Variants in IMPDH2 observed in about 807,000 individuals in gnomAD.
IMPDH2 encodes the protein inosine monophosphate dehydrogenase 2.
IMPDH2 carries 33 observed loss-of-function variants against 57.8 expected under a neutral mutation model. The ratio of observed to expected loss-of-function variants is 0.57; its 90% CI spans 0.43 to 0.76. IMPDH2 has a LOEUF of 0.76. Ranked by LOEUF, IMPDH2 falls within the 30% of genes least tolerant of loss-of-function variation. The pLI, the probability that IMPDH2 is intolerant of heterozygous loss-of-function variation, is 0.00. For synonymous variants in IMPDH2, 270 were observed against 241.3 expected (o/e 1.12, Z -1.10); for missense variants, 446 against 659.1 (o/e 0.68, Z 3.54).
Position 49,028,530 on chromosome 3 carries a change from G to A in IMPDH2, c.150C>T (p.Asp50=), listed in dbSNP as rs777926658. Residue 50 remains aspartate (D), a splice_region_variant and synonymous_variant, in exon 3 of 14, where the codon GAC becomes GAT. Transcript: ENST00000326739. ...TTTTCTTGGTCAGAGCAGAAGTCAG[G>A]TCCTGAGGAGACAAACGTCAACCAG... ...GYIDFTADQV[D]LTSALTKKIT... is the part of the protein sequence containing the mutation. 2 of 1,611,450 alleles carry A rather than the reference G, an allele frequency of 1.2e-6. No individual in the cohort carries two copies. The highest frequency in any genetic ancestry group is 4.5e-5 in the East Asian group (2 of 44,872).
rs773280018 is a variant in IMPDH2 at position 49,026,435 on chromosome 3, G to C, written c.911-16C>G. On this transcript the variant is annotated splice_polypyrimidine_tract_variant and intron_variant, in intron 8 of 13. Transcript: ENST00000326739. ...GCAGTGACCACTATGGTGAAGGAAA[G>C]GAAAATGCTCATGTGAAGGTTAAGG... The C allele has an allele frequency of 2.5e-6, 4 of 1,611,904 alleles. No homozygotes were observed. The South Asian group carries it at 3.3e-5, about 13-fold the overall frequency.
chr3:49,028,705 G>C, intron 2 of IMPDH2, 53 bp downstream of exon 2: 1 of 1,488,382 alleles, frequency 6.7e-7, no homozygotes, highest in Non-Finnish European at 9.4e-7. Context: ...CCAGGTGATA[G>C]TAGCACCTTA....
chr3:49,029,234 G>C lies in IMPDH2; in HGVS notation c.98+19C>G. On this transcript the variant is annotated intron_variant, in intron 1 of 13. Transcript: ENST00000326739. ...GTGCCGCCCCTCTCTTCGCCCAGGT[G>C]AGCCCCATAGGCCCGCACTTGTAGG... 3 of 1,571,206 alleles carry C rather than the reference G, an allele frequency of 1.9e-6. No individual in the cohort carries two copies. The highest frequency in any genetic ancestry group is 8.7e-7 in the Non-Finnish European group (1 of 1,153,624).
chr3:49,025,358 G>T, intron 9 of IMPDH2, 89 bp from the exon 10 acceptor site: 7 of 1,414,084 alleles, frequency 5.0e-6, no homozygotes, highest in Non-Finnish European at 7.0e-6. Context: ...AGGAGCTTTT[G>T]GCTACATCTG....
In IMPDH2 at chr3:49,026,579, T is replaced by C; in HGVS notation, c.850A>G (p.Ile284Val). 1 of 1,614,052 alleles carries C rather than the reference T, an allele frequency of 6.2e-7. No individual in the cohort carries two copies. The highest frequency in any genetic ancestry group is 8.5e-7 in the Non-Finnish European group (1 of 1,179,872). ...DSSQGNSIFQINMIKYIKDKY... is the reference protein window; with the variant it reads ...DSSQGNSIFQVNMIKYIKDKY... ...TCTTTGATGTACTTGATCATATTGA[T>C]CTGGAAGATGGAATTTCCCTGGGAA... is the stretch of plus-strand genomic sequence containing the variant. Residue 284 changes from isoleucine (I) to valine (V), a missense_variant, in exon 8 of 14, where the codon ATC becomes GTC. Transcript: ENST00000326739.
chr3:49,028,950 G>C lies in IMPDH2; in HGVS notation c.99-144C>G, dbSNP rs148567569. 1.9e-3 allele frequency: 1,401 copies of C among 733,588 alleles called. 14 individuals are homozygous for C. In the African/African-American group the frequency reaches 0.021, roughly 11 times the overall value. The allele number at this position is 733,588 out of a possible 1,614,324, so 45.4% of individuals were successfully genotyped here. Reference sequence around the variant, plus strand: ...CTGTGTGTCACAGGCACAGCACAAGGTGGAAATGGGTACAGGGGACCTTTT... The same window carrying C: ...CTGTGTGTCACAGGCACAGCACAAGCTGGAAATGGGTACAGGGGACCTTTT... On this transcript the variant is annotated intron_variant, in intron 1 of 13. Transcript: ENST00000326739.
intron 8 of IMPDH2, 39 bp downstream of exon 8, chr3:49,026,480 C>T (rs1223356075): frequency 6.9e-6 from 11 of 1,600,768 alleles, no homozygotes; most frequent in Non-Finnish European, 4.3e-6. Flanking sequence ...AGCTTACCCA[C>T]TCCCACCACA....
chr3:49,028,918 A>G (rs1046365304), intron 1 of IMPDH2, 112 bp from the exon 2 acceptor site: 1 of 871,888 alleles, frequency 1.1e-6, no homozygotes, highest in Middle Eastern at 2.2e-4. Flanking sequence ...AGTGGCACTG[A>G]CAGAGTCTGT....
In IMPDH2 at chr3:49,026,898, G is replaced by T. The variant is rs775675156; in HGVS notation, c.620-12C>A. The T allele has an allele frequency of 3.2e-5, 52 of 1,614,048 alleles. No homozygotes were observed. The South Asian group carries it at 5.5e-4, about 17-fold the overall frequency. ...AATGGGCAACTTTCCTGTGGTCAGG[G>T]CAGGACATGAATCAGGACCCTAGGC... is the stretch of plus-strand genomic sequence containing the variant. On this transcript the variant is annotated splice_polypyrimidine_tract_variant and intron_variant, in intron 6 of 13. Transcript: ENST00000326739.
chr3:49,024,679 G>A lies in IMPDH2; in HGVS notation c.1419C>T (p.Ala473=), dbSNP rs1196904925. ...CTCACCGGACTTGGGTCAAGCTCTT[G>A]GCACCAATGTCCTGGCATGAGTGTT... ...GIQHSCQDIG[A]KSLTQVRAMM... The change falls in exon 12 of 14, where the codon GCC becomes GCT. Residue 473 remains alanine, a synonymous_variant. Transcript: ENST00000326739. 1 of 1,614,232 alleles carries A rather than the reference G, an allele frequency of 6.2e-7. No individual in the cohort carries two copies. Among genetic ancestry groups the A allele is most frequent in the Non-Finnish European group, 8.5e-7 (1 of 1,180,046 alleles).
chr3:49,028,685 AGCCCAG>A, intron 2 of IMPDH2, 67 bp downstream of exon 2: 1 of 1,420,508 alleles, frequency 7.0e-7, no homozygotes, highest in Non-Finnish European at 1.0e-6. Context: ...CTGGTGAGTT[AGCCCAG>A]AGACCAGGTG....
intron 2 of IMPDH2, 40 bp downstream of exon 2, chr3:49,028,718 T>C: frequency 6.4e-7 from 1 of 1,566,750 alleles, no homozygotes; most frequent in South Asian, 1.1e-5. Context: ...GCACCTTAGC[T>C]CACCTTGATG....
At position 49,029,389 on chromosome 3, in the gene IMPDH2, C is replaced by A; in HGVS notation, c.-39G>T. 1.4e-6 allele frequency: 2 copies of A among 1,386,296 alleles called. No homozygotes were observed. The highest frequency in any genetic ancestry group is 2.0e-6 in the Non-Finnish European group (2 of 995,178). 85.9% of individuals were successfully genotyped at this position (1,386,296 alleles called of 1,614,324 possible). On this transcript the variant is annotated 5_prime_UTR_variant, in exon 1 of 14. Coordinates refer to ENST00000326739, the MANE Select transcript of IMPDH2 (RefSeq NM_000884.3). ...CACCGCCGCGTGTCTCCGAGGACCG[C>A]GCCGCAGAGACCTCTGCCGTCTGGG...
At chr3:49,028,859 G>GA in intron 1 of IMPDH2, 53 bp from the exon 2 acceptor site, 9 of 1,407,308 alleles carry the variant, frequency 6.4e-6, no homozygotes, top group Non-Finnish European at 9.1e-6. Flanking sequence ...AGGGCAGCAT[G>GA]AGACTCCATC....
rs552707048 is a variant in IMPDH2, at chr3:49,027,826, A to T, written c.415T>A (p.Phe139Ile). 1.2e-6 allele frequency: 2 copies of T among 1,614,220 alleles called. No individual in the cohort carries two copies. The highest frequency in any genetic ancestry group is 4.5e-5 in the East Asian group (2 of 44,892). Residue 139 changes from phenylalanine to isoleucine, a missense_variant, in exon 5 of 14, where the codon TTC (phenylalanine) becomes ATC (isoleucine). By Grantham distance (21) the Phe-to-Ile change is conservative. Coordinates refer to ENST00000326739, the MANE Select transcript of IMPDH2 (RefSeq NM_000884.3). ...DVFEAKARHG[F>I]CGIPITDTGR... Reference sequence around the variant, plus strand: ...GTGTCTGTGATTGGGATACCGCAGAAACCATGCCGGGCCTTGGCCTCAAAA... The same window carrying T: ...GTGTCTGTGATTGGGATACCGCAGATACCATGCCGGGCCTTGGCCTCAAAA...
chr3:49,026,320 T>C lies in IMPDH2; in HGVS notation c.1006+4A>G. ...CTGTGGGCCCTATCAAAGTATATTC[T>C]TACCTTCCTGCGTAATGCAGATGGA... On this transcript the variant is annotated splice_donor_region_variant and intron_variant, in intron 9 of 13. Coordinates refer to ENST00000326739, the MANE Select transcript of IMPDH2 (RefSeq NM_000884.3). The C allele has an allele frequency of 3.8e-6, 6 of 1,598,494 alleles. No homozygotes were observed. Among genetic ancestry groups the C allele is most frequent in the Non-Finnish European group, 5.1e-6 (6 of 1,169,418 alleles).
chr3:49,026,231 A>G, intron 9 of IMPDH2, 93 bp downstream of exon 9: 1 of 959,834 alleles, frequency 1.0e-6, no homozygotes, highest in Non-Finnish European at 1.6e-6. Context: ...CCCCTATTGG[A>G]GGGCTCTATT....
In IMPDH2 at chr3:49,024,669, T is replaced by C; in HGVS notation, c.1429A>G (p.Thr477Ala). Residue 477 changes from threonine (T) to alanine (A), a missense_variant, in exon 12 of 14, where the codon ACC becomes GCC. Coordinates refer to ENST00000326739, the MANE Select transcript of IMPDH2 (RefSeq NM_000884.3). ...SCQDIGAKSL[T>A]QVRAMMYSGE... ...GCTCCCCAAGCTCACCGGACTTGGG[T>C]CAAGCTCTTGGCACCAATGTCCTGG... 1 of 1,614,174 alleles carries C rather than the reference T, an allele frequency of 6.2e-7. No homozygotes were observed. Among genetic ancestry groups the C allele is most frequent in the Non-Finnish European group, 8.5e-7 (1 of 1,180,024 alleles).
At position 49,026,900 on chromosome 3, in the gene IMPDH2, A is replaced by G; in HGVS notation, c.620-14T>C. 1 of 1,614,172 alleles carries G rather than the reference A, an allele frequency of 6.2e-7. No individual in the cohort carries two copies. The highest frequency in any genetic ancestry group is 8.5e-7 in the Non-Finnish European group (1 of 1,179,970). ...TGGGCAACTTTCCTGTGGTCAGGGC[A>G]GGACATGAATCAGGACCCTAGGCAT... On this transcript the variant is annotated splice_polypyrimidine_tract_variant and intron_variant, in intron 6 of 13. Coordinates refer to ENST00000326739, the MANE Select transcript of IMPDH2 (RefSeq NM_000884.3).
Sources: gnomAD v4.1 joint callset for allele counts on GRCh38, gnomAD v4.1.1 for gene constraint, MANE v1.5 for transcripts, NCBI Gene and HGNC (gene_info 2026-07-23, HGNC 2026-07-21) for gene names.